Variants in C21orf91 observed in about 807,000 individuals in gnomAD.
C21orf91 encodes the protein protein EURL homolog.
A neutral mutation model predicts 32.9 loss-of-function variants in C21orf91; 26 were observed. That is an observed-to-expected ratio of 0.79 (90% CI 0.58 to 1.10). C21orf91 has a LOEUF of 1.10. Among genes scored for constraint, C21orf91 ranks in the 50% least tolerant of loss-of-function variants. C21orf91 has a pLI of 0.00. For synonymous variants in C21orf91, 126 were observed against 120.4 expected (o/e 1.05, Z -0.31); for missense variants, 310 against 341.3 (o/e 0.91, Z 0.72).
intron 2 of C21orf91, among the ~76,000 whole-genome samples, chr21:17,813,377 G>A (rs529262197): frequency 2.6e-5 from 4 of 152,250 alleles, no homozygotes; most frequent in Admixed American, 6.5e-5. Flanking sequence ...GTAAAGACAC[G>A]GAGAATCAAG....
intron 2 of C21orf91, among the ~76,000 whole-genome samples, chr21:17,816,313 G>T (rs188690586): frequency 3.3e-5 from 5 of 152,250 alleles, no homozygotes; most frequent in Admixed American, 2.6e-4. Context: ...TAATGACTGA[G>T]AACCAGTTAA....
At chr21:17,801,891 T>C (rs971609521) in intron 2 of C21orf91, among the ~76,000 whole-genome samples, 6 of 152,094 alleles carry the variant, frequency 3.9e-5, no homozygotes, top group Admixed American at 3.9e-4. Context: ...GAAATGTATA[T>C]AGGCTGTATT....
In C21orf91 at chr21:17,789,045, GCAATA is replaced by G. The variant is rs899776488; in HGVS notation, c.*4365_*4369del. On this transcript the variant is annotated 3_prime_UTR_variant, in exon 5 of 5. Coordinates refer to ENST00000284881, the MANE Select transcript of C21orf91 (RefSeq NM_001100420.2). ...AGCATATATACAGTTCCCAAGCAGA[GCAATA>G]CAAATATATAAATTATTGCAGTTTT... 4 of 152,094 alleles carry G rather than the reference GCAATA, an allele frequency of 2.6e-5. No individual in the cohort carries two copies. The highest frequency in any genetic ancestry group is 4.8e-5 in the African/African-American group (2 of 41,416). The allele number at this position is 152,094 out of a possible 1,614,324, so 9.4% of individuals were successfully genotyped here. A position where few individuals can be genotyped will look rare whatever the true frequency, so the allele number is the denominator to read the frequency against.
At chr21:17,796,547 C>A (rs1188460482) in intron 3 of C21orf91, 35 bp downstream of exon 3, 1 of 1,548,758 alleles carries the variant, frequency 6.5e-7, no homozygotes, top group Non-Finnish European at 8.8e-7. Flanking sequence ...AATCCCAAAC[C>A]ACCCAACTTT....
chr21:17,804,821 G>C (rs766124834), intron 2 of C21orf91, among the ~76,000 whole-genome samples: 9 of 152,226 alleles, frequency 5.9e-5, no homozygotes, highest in African/African-American at 1.4e-4. Context: ...CCTCAACCTA[G>C]GAGGCCAGAG....
At chr21:17,805,673 A>C (rs558366518) in intron 2 of C21orf91, among the ~76,000 whole-genome samples, 1 of 152,280 alleles carries the variant, frequency 6.6e-6, no homozygotes, top group African/African-American at 2.4e-5. Context: ...TAGAAAGGTA[A>C]ATTTGTTTTT....
chr21:17,815,682 C>T (rs969974677), intron 2 of C21orf91, among the ~76,000 whole-genome samples: 1 of 150,796 alleles, frequency 6.6e-6, no homozygotes, highest in African/African-American at 2.4e-5. Flanking sequence ...TTTTTTGAGA[C>T]AGAGTTTTGC....
rs1010545838 is a variant in C21orf91, at chr21:17,790,100, T to C, written c.*3315A>G. ...TTGACAATAGAAGAATTTTACATGG[T>C]ACCATTTCAAATTTTCATGTACAAG... On this transcript the variant is annotated 3_prime_UTR_variant, in exon 5 of 5. Transcript: ENST00000284881. 2 of 152,128 alleles carry C rather than the reference T, an allele frequency of 1.3e-5. No homozygotes were observed. Among genetic ancestry groups the C allele is most frequent in the Admixed American group, 6.5e-5 (1 of 15,276 alleles). 9.4% of individuals were successfully genotyped at this position (152,128 alleles called of 1,614,324 possible). A position where few individuals can be genotyped will look rare whatever the true frequency, so the allele number is the denominator to read the frequency against.
chr21:17,798,861 T>C (rs2062539720), intron 2 of C21orf91, among the ~76,000 whole-genome samples: 1 of 152,240 alleles, frequency 6.6e-6, no homozygotes, highest in South Asian at 2.1e-4. Context: ...GGTTCCATTC[T>C]GCTATCTGAT....
intron 2 of C21orf91, among the ~76,000 whole-genome samples, chr21:17,798,361 C>A (rs2062535747): frequency 6.6e-6 from 1 of 152,050 alleles, no homozygotes; most frequent in Non-Finnish European, 1.5e-5. Context: ...ATAGTATCAG[C>A]CAATGGTGGG....
chr21:17,804,135 C>T (rs967773659), intron 2 of C21orf91, among the ~76,000 whole-genome samples: 2 of 152,064 alleles, frequency 1.3e-5, no homozygotes, highest in Admixed American at 1.3e-4. Context: ...GTGCTCAATT[C>T]GACTAGACTA....
chr21:17,797,101 G>C lies in C21orf91; in HGVS notation c.145C>G (p.Leu49Val). 1 of 1,589,284 alleles carries C rather than the reference G, an allele frequency of 6.3e-7. No individual in the cohort carries two copies. Among genetic ancestry groups the C allele is most frequent in the Non-Finnish European group, 8.5e-7 (1 of 1,169,874 alleles). The change falls in exon 3 of 5, where the codon CTC (leucine) becomes GTC (valine). Residue 49 changes from leucine (L) to valine (V), a missense_variant. By Grantham distance (32) the Leu-to-Val change is conservative. Transcript: ENST00000284881. ...LNIEGVPKSD[L>V]LHTKSLRGHK... ...CCCCTTAATGATTTGGTGTGCAAGA[G>C]ATCAGACTTTGGTACCCCTATGGAA...
chr21:17,815,012 TA>T (rs1195081457), intron 2 of C21orf91, among the ~76,000 whole-genome samples: 2 of 152,228 alleles, frequency 1.3e-5, no homozygotes, highest in African/African-American at 4.8e-5. Context: ...TTCATTATTG[TA>T]AAGTCAGAGA....
intron 3 of C21orf91, among the ~76,000 whole-genome samples, chr21:17,795,852 C>A (rs2035169253): frequency 6.6e-6 from 1 of 152,104 alleles, no homozygotes; most frequent in Non-Finnish European, 1.5e-5. Context: ...AGTAGTAGGT[C>A]CAATGAATTC....
intron 3 of C21orf91, among the ~76,000 whole-genome samples, chr21:17,795,710 T>C (rs1446762481): frequency 6.6e-6 from 1 of 152,118 alleles, no homozygotes; most frequent in Non-Finnish European, 1.5e-5. Flanking sequence ...TGGGCTCCAG[T>C]GATCCTCCCA....
At chr21:17,799,433 C>T (rs1047493124) in intron 2 of C21orf91, among the ~76,000 whole-genome samples, 1 of 152,162 alleles carries the variant, frequency 6.6e-6, no homozygotes, top group Non-Finnish European at 1.5e-5. Flanking sequence ...TCTGGCATCA[C>T]CAACTAACTG....
At chr21:17,810,845 A>G (rs983663777) in intron 2 of C21orf91, 1 of 152,150 alleles carries the variant, frequency 6.6e-6, no homozygotes, top group African/African-American at 2.4e-5. Flanking sequence ...TCTCAAAACT[A>G]TATTATGTTG....
chr21:17,794,578 A>G (rs1282771713), intron 4 of C21orf91, among the ~76,000 whole-genome samples: 12 of 152,244 alleles, frequency 7.9e-5, no homozygotes, highest in Admixed American at 7.2e-4. Flanking sequence ...GAAGCTGGTG[A>G]AAATGGCTTA....
chr21:17,814,688 T>C (rs1038003522), intron 2 of C21orf91, among the ~76,000 whole-genome samples: 5 of 152,082 alleles, frequency 3.3e-5, no homozygotes, highest in African/African-American at 1.2e-4. Context: ...CAACCAGATC[T>C]CATGATAACT....
Sources: allele counts gnomAD v4.1 joint callset (sites outside exome capture counted in the v4.1 genomes callset), GRCh38; gene constraint gnomAD v4.1.1; transcripts MANE v1.5; gene names NCBI Gene and HGNC (gene_info 2026-07-23, HGNC 2026-07-21).